SLCO3A1: variants seen among roughly 807,000 people sequenced by gnomAD.
The protein encoded by SLCO3A1 is solute carrier organic anion transporter family member 3A1, also known as PGE1 transporter.
A neutral mutation model predicts 63.1 loss-of-function variants in SLCO3A1; 27 were observed. That is an observed-to-expected ratio of 0.43 (90% CI 0.32 to 0.59). The LOEUF (loss-of-function observed/expected upper bound fraction) is 0.59, where lower values mean the gene tolerates loss of function less well. SLCO3A1 is among the 20% of genes least tolerant of loss of function. The probability of loss-of-function intolerance (pLI) is 0.09; values close to 1 mark genes in which losing one functional copy is unlikely to be tolerated. For synonymous variants in SLCO3A1, 473 were observed against 409.9 expected (o/e 1.15, Z -1.86); for missense variants, 773 against 945.8 (o/e 0.82, Z 2.40).
chr15:91,867,529 A>G (rs1897195224), intron 1 of SLCO3A1, among the ~76,000 whole-genome samples: 1 of 151,900 alleles, frequency 6.6e-6, no homozygotes, highest in African/African-American at 2.4e-5. Flanking sequence ...TTTTAAATAA[A>G]ACCACTTTTG....
chr15:92,159,360 C>T (rs2048408726), intron 9 of SLCO3A1, among the ~76,000 whole-genome samples: 1 of 152,052 alleles, frequency 6.6e-6, no homozygotes, highest in Non-Finnish European at 1.5e-5. Context: ...TGGCAGGCAC[C>T]TGTAGTCCCA....
At chr15:91,955,716 G>A (rs1211460547) in intron 2 of SLCO3A1, among the ~76,000 whole-genome samples, 1 of 152,198 alleles carries the variant, frequency 6.6e-6, no homozygotes, top group Admixed American at 6.5e-5. Flanking sequence ...TTAGAAATTT[G>A]ACACATGAAA....
chr15:92,047,480 T>TAC lies in SLCO3A1; in HGVS notation c.647-47400_647-47399insCA, dbSNP rs1286271775. 8.6e-3 allele frequency among the ~76,000 whole-genome samples: 193 copies of TAC among 22,474 alleles called. 11 individuals are homozygous for TAC. Among genetic ancestry groups the TAC allele is most frequent in the East Asian group, 0.013 (11 of 870 alleles). The allele number at this position is 22,474 out of a possible 152,430, so 14.7% of individuals were successfully genotyped here. On this transcript the variant is annotated intron_variant, in intron 2 of 9. Coordinates refer to ENST00000318445, the MANE Select transcript of SLCO3A1 (RefSeq NM_013272.4). Reference sequence around the variant, plus strand: ...AATATATATAATATATAAATATATATAAATATATATATAAATATATATAAA... The same window carrying TAC: ...AATATATATAATATATAAATATATATACAAATATATATATAAATATATATAAA...
intron 2 of SLCO3A1, among the ~76,000 whole-genome samples, chr15:92,044,129 T>G (rs1346095792): frequency 6.6e-6 from 1 of 152,132 alleles, no homozygotes; most frequent in Non-Finnish European, 1.5e-5. Flanking sequence ...GCCCCACCAG[T>G]GACCTCTGCC....
rs1900092677 is a variant in SLCO3A1 at position 91,954,213 on chromosome 15, G to C, written c.646+37755G>C. On this transcript the variant is annotated intron_variant, in intron 2 of 9. Transcript: ENST00000318445. The surrounding 1 kb of genome is among the most constrained non-coding windows in gnomAD (Gnocchi z 4.7). ...TAGAGACAGACCCCTAGGGGTTTCT[G>C]AACCACGCACTGAGAATTCCATTGG... Among the ~76,000 whole-genome samples the C allele has an allele frequency of 6.6e-6, 1 of 152,116 alleles. No homozygotes were observed. Among genetic ancestry groups the C allele is most frequent in the Non-Finnish European group, 1.5e-5 (1 of 68,006 alleles).
intron 6 of SLCO3A1, among the ~76,000 whole-genome samples, chr15:92,127,510 C>T (rs865973326): frequency 2.6e-5 from 4 of 152,124 alleles, no homozygotes; most frequent in Admixed American, 1.3e-4. Flanking sequence ...ATAATCCATG[C>T]AGTACTTTGA....
chr15:92,119,767 T>A (rs1015842115), intron 4 of SLCO3A1, among the ~76,000 whole-genome samples: 1 of 152,122 alleles, frequency 6.6e-6, no homozygotes, highest in Non-Finnish European at 1.5e-5. Context: ...AGGAAACTGA[T>A]TTGAGCTGAT....
At chr15:91,984,306 G>A (rs938356624) in intron 2 of SLCO3A1, among the ~76,000 whole-genome samples, 2 of 152,124 alleles carry the variant, frequency 1.3e-5, no homozygotes, top group African/African-American at 2.4e-5. Flanking sequence ...TCCCACTTCA[G>A]CTATTTTCAC....
chr15:91,943,919 T>C (rs1899710352), intron 2 of SLCO3A1, among the ~76,000 whole-genome samples: 1 of 152,160 alleles, frequency 6.6e-6, no homozygotes, highest in South Asian at 2.1e-4. Context: ...CCCATGTTGC[T>C]TGTCTTGGGT....
rs1301209237 is a variant in SLCO3A1 at position 91,948,216 on chromosome 15, G to A, written c.646+31758G>A. ...TGCGGCTAATGAATGCCGACCTCCG[G>A]GAAGCTTTTTCCACTCCTGCTTGGC... On this transcript the variant is annotated intron_variant, in intron 2 of 9. Transcript: ENST00000318445. The surrounding 1 kb of genome is among the most constrained non-coding windows in gnomAD (Gnocchi z 4.8). 6.6e-6 allele frequency among the ~76,000 whole-genome samples: 1 copy of A among 152,124 alleles called. No individual in the cohort carries two copies. Among genetic ancestry groups the A allele is most frequent in the East Asian group, 1.9e-4 (1 of 5,190 alleles).
chr15:92,043,130 A>T (rs1347609330), intron 2 of SLCO3A1, among the ~76,000 whole-genome samples: 3 of 135,678 alleles, frequency 2.2e-5, no homozygotes, highest in Non-Finnish European at 4.6e-5. Flanking sequence ...TTGGCCAACT[A>T]CTAACTGTGT....
chr15:92,104,325 G>GTGGGGTGGCTT lies in SLCO3A1; in HGVS notation c.794_804dup (p.Leu269GlyfsTer17). ...ACGACCCCCGCTGGATCGGAGCCTG[G>GTGGGGTGGCTT]TGGGGTGGCTTTCTGCTCTGCGGTG... On this transcript the variant is annotated frameshift_variant, in exon 4 of 10. Coordinates refer to ENST00000318445, the MANE Select transcript of SLCO3A1 (RefSeq NM_013272.4). LOFTEE classifies it high-confidence loss of function. The GTGGGGTGGCTT allele has an allele frequency of 1.2e-6, 2 of 1,614,194 alleles. No homozygotes were observed. The highest frequency in any genetic ancestry group is 1.7e-6 in the Non-Finnish European group (2 of 1,180,040).
intron 2 of SLCO3A1, among the ~76,000 whole-genome samples, chr15:91,994,490 C>G (rs1021829776): frequency 6.6e-6 from 1 of 152,168 alleles, no homozygotes; most frequent in African/African-American, 2.4e-5. Context: ...ACTAAGCAGC[C>G]TGGCCAGAGT....
chr15:91,980,112 C>T (rs779010463), intron 2 of SLCO3A1, among the ~76,000 whole-genome samples: 4 of 152,202 alleles, frequency 2.6e-5, no homozygotes, highest in African/African-American at 4.8e-5. Context: ...ATTCCCTTCA[C>T]TCTTCCTGAC....
chr15:91,962,089 A>G (rs1900468391), intron 2 of SLCO3A1, among the ~76,000 whole-genome samples: 1 of 152,208 alleles, frequency 6.6e-6, no homozygotes, highest in East Asian at 1.9e-4. Flanking sequence ...GCAGGGCCCA[A>G]GAACAAACTC....
chr15:91,910,761 C>T (rs1473567894), intron 1 of SLCO3A1, among the ~76,000 whole-genome samples: 4 of 152,340 alleles, frequency 2.6e-5, no homozygotes, highest in African/African-American at 4.8e-5. Context: ...CACATGCACA[C>T]GCCTCTACCT....
At chr15:92,083,849 C>T (rs1018561549) in intron 2 of SLCO3A1, among the ~76,000 whole-genome samples, 4 of 152,140 alleles carry the variant, frequency 2.6e-5, no homozygotes, top group Non-Finnish European at 5.9e-5. Flanking sequence ...ATCACCCAAA[C>T]CTCAAAACAA....
chr15:92,030,676 T>C (rs182342697), intron 2 of SLCO3A1, among the ~76,000 whole-genome samples: 2 of 152,268 alleles, frequency 1.3e-5, no homozygotes, highest in Admixed American at 1.3e-4. Flanking sequence ...TGAGGCTCTT[T>C]GAGGGTTGAG....
chr15:92,085,709 G>T lies in SLCO3A1; in HGVS notation c.647-9172G>T, dbSNP rs572535960. ...ACGTTGTTGTGAAATAAATACCCAT[G>T]AAGTCTATAAACAAATCAACCACAA... On this transcript the variant is annotated intron_variant, in intron 2 of 9. Coordinates refer to ENST00000318445, the MANE Select transcript of SLCO3A1 (RefSeq NM_013272.4). Among the ~76,000 whole-genome samples the T allele has an allele frequency of 2.6e-5, 4 of 152,218 alleles. No individual in the cohort carries two copies. In the South Asian group the frequency reaches 8.3e-4, roughly 32 times the overall value.
Sources: gnomAD v4.1 joint callset for allele counts (sites outside exome capture counted in the v4.1 genomes callset) on GRCh38, gnomAD v4.1.1 for gene constraint, Gnocchi (gnomAD v3.1) non-coding constraint, MANE v1.5 for transcripts, NCBI Gene and HGNC (gene_info 2026-07-23, HGNC 2026-07-21) for gene names.